Variants in DCP1A observed in about 807,000 individuals in gnomAD.
DCP1A encodes decapping mRNA 1A.
A neutral mutation model predicts 58.0 loss-of-function variants in DCP1A; 20 were observed. The ratio of observed to expected loss-of-function variants is 0.34; its 90% CI spans 0.24 to 0.50. The LOEUF (loss-of-function observed/expected upper bound fraction) is 0.50. Ranked by LOEUF, DCP1A falls within the 20% of genes least tolerant of loss-of-function variation. DCP1A has a pLI of 0.98. For synonymous variants in DCP1A, 285 were observed against 275.1 expected, an observed-to-expected ratio of 1.04 and a Z score of -0.36; for missense variants, 613 against 712.2, an observed-to-expected ratio of 0.86 and a Z score of 1.59.
At chr3:53,298,652 A>G (rs1187668967) in intron 6 of DCP1A, among the ~76,000 whole-genome samples, 2 of 152,224 alleles carry the variant, frequency 1.3e-5, no homozygotes, top group Non-Finnish European at 2.9e-5. Context: ...CACCATATGG[A>G]GATGTCAATT....
At chr3:53,326,982 C>A (rs79221748) in intron 3 of DCP1A, among the ~76,000 whole-genome samples, 22,225 of 146,690 alleles carry the variant, frequency 0.15, 1,849 homozygotes, top group Non-Finnish European at 0.18. Flanking sequence ...TCCAACCCCC[C>A]CCCCCCAACT....
intron 4 of DCP1A, 112 bp from the exon 5 acceptor site, chr3:53,312,491 T>C: frequency 1.0e-6 from 1 of 985,814 alleles, no homozygotes; most frequent in South Asian, 2.0e-5. Flanking sequence ...ATGATGACAT[T>C]CTTCTTTTTT....
At chr3:53,290,632 G>C (rs973061675) in intron 8 of DCP1A, 159 bp downstream of exon 8, 10 of 681,826 alleles carry the variant, frequency 1.5e-5, no homozygotes, top group Admixed American at 2.6e-5. Flanking sequence ...TCAGAAAGAG[G>C]GAGTCCTGGC....
At chr3:53,294,914 G>A (rs1411770991) in intron 6 of DCP1A, among the ~76,000 whole-genome samples, 1 of 152,196 alleles carries the variant, frequency 6.6e-6, no homozygotes, top group Admixed American at 6.5e-5. Context: ...TCTTGCTCTT[G>A]GACTTGCCTA....
chr3:53,310,902 AAACTATCTTTCAG>A (rs1707623988), intron 5 of DCP1A, among the ~76,000 whole-genome samples: 1 of 152,238 alleles, frequency 6.6e-6, no homozygotes, highest in Non-Finnish European at 1.5e-5. Context: ...TAGTCAGAAG[AAACTATCTTTCAG>A]AACACTTTTT....
At chr3:53,313,419 CAAA>C (rs201356913) in intron 4 of DCP1A, among the ~76,000 whole-genome samples, 3 of 127,694 alleles carry the variant, frequency 2.3e-5, no homozygotes, top group Non-Finnish European at 3.4e-5. Context: ...ACCTTGACTC[CAAA>C]AAAAAAAAAA....
intron 3 of DCP1A, among the ~76,000 whole-genome samples, chr3:53,335,767 T>C (rs985299356): frequency 1.3e-5 from 2 of 152,232 alleles, no homozygotes; most frequent in East Asian, 1.9e-4. Context: ...TTTTAATTTC[T>C]ATTAGTTCTA....
intron 3 of DCP1A, among the ~76,000 whole-genome samples, chr3:53,340,298 T>A (rs1289564354): frequency 6.6e-6 from 1 of 152,202 alleles, no homozygotes; most frequent in Non-Finnish European, 1.5e-5. Flanking sequence ...TTAACATTAG[T>A]TTAAATAAAT....
At chr3:53,336,457 T>G (rs1452061957) in intron 3 of DCP1A, among the ~76,000 whole-genome samples, 1 of 152,224 alleles carries the variant, frequency 6.6e-6, no homozygotes, top group East Asian at 1.9e-4. Context: ...TTATAATCTG[T>G]ATCTGGTATT....
At position 53,322,988 on chromosome 3, in the gene DCP1A, CT is replaced by C. The variant is rs1481487145; in HGVS notation, c.305-3516del. 4.6e-5 allele frequency among the ~76,000 whole-genome samples: 7 copies of C among 152,078 alleles called. No homozygotes were observed. In the East Asian group the frequency reaches 1.4e-3, roughly 29 times the overall value. On this transcript the variant is annotated intron_variant, in intron 3 of 9. Transcript: ENST00000610213. Reference sequence around the variant, plus strand: ...TACAGGCGCCCGTCACCACACCCGGCTAACTTTTTGTATTTTTAGTAGAGAT... The same window carrying C: ...TACAGGCGCCCGTCACCACACCCGGCAACTTTTTGTATTTTTAGTAGAGAT...
At chr3:53,335,230 T>C (rs1220668633) in intron 3 of DCP1A, among the ~76,000 whole-genome samples, 2 of 151,940 alleles carry the variant, frequency 1.3e-5, no homozygotes, top group Non-Finnish European at 2.9e-5. Flanking sequence ...AACCTCCACC[T>C]CCCGGGTTCA....
rs141884005 is a variant in DCP1A at position 53,338,353 on chromosome 3, C to T, written c.304+3791G>A. On this transcript the variant is annotated intron_variant, in intron 3 of 9. Transcript: ENST00000610213. ...ATGCTAGCACTTCGGGAGGCTGAGG[C>T]GGGAGAATTGCTTGAGCCCAGGAGT... is the stretch of plus-strand genomic sequence containing the variant. 9.8e-4 allele frequency among the ~76,000 whole-genome samples: 149 copies of T among 152,090 alleles called. 3 individuals carry two copies. The East Asian group carries it at 0.025, about 26-fold the overall frequency.
At chr3:53,316,841 A>G (rs782721885) in intron 4 of DCP1A, among the ~76,000 whole-genome samples, 16 of 152,088 alleles carry the variant, frequency 1.1e-4, no homozygotes, top group South Asian at 2.1e-4. Flanking sequence ...AGAAGCCCCA[A>G]TGCTCTTCTT....
intron 5 of DCP1A, among the ~76,000 whole-genome samples, chr3:53,310,974 T>C (rs540026832): frequency 6.6e-6 from 1 of 152,220 alleles, no homozygotes; most frequent in Admixed American, 6.5e-5. Context: ...AAGGGCAGTA[T>C]GCAAAAAATG....
intron 8 of DCP1A, among the ~76,000 whole-genome samples, chr3:53,288,729 A>G (rs1706740753): frequency 6.6e-6 from 1 of 152,186 alleles, no homozygotes; most frequent in Admixed American, 6.5e-5. Flanking sequence ...ATGTGTCAAA[A>G]ACTCATTTAA....
At position 53,288,124 on chromosome 3, in the gene DCP1A, TTC is replaced by T; in HGVS notation, c.1607_1608del (p.Arg536LysfsTer22). ...PLTIGTPESQ[R>X]KPSIILSKSQ... is the part of the protein sequence containing the mutation. ...GACTTGCTGAGAATAATGGAAGGCT[TTC>T]TCTGACTTTCTGGCGTTCCAATAGT... On this transcript the variant is annotated frameshift_variant, in exon 9 of 10. Transcript: ENST00000610213. LOFTEE classifies it high-confidence loss of function. The T allele has an allele frequency of 6.2e-7, 1 of 1,614,054 alleles. No individual in the cohort carries two copies. Among genetic ancestry groups the T allele is most frequent in the Non-Finnish European group, 8.5e-7 (1 of 1,179,890 alleles).
At chr3:53,299,200 TCA>T (rs1707233304) in intron 6 of DCP1A, among the ~76,000 whole-genome samples, 1 of 152,232 alleles carries the variant, frequency 6.6e-6, no homozygotes, top group African/African-American at 2.4e-5. Context: ...CCCAAAAGTT[TCA>T]CAGTCTCTGC....
At chr3:53,341,308 A>G (rs957328981) in intron 3 of DCP1A, among the ~76,000 whole-genome samples, 2 of 151,480 alleles carry the variant, frequency 1.3e-5, no homozygotes, top group African/African-American at 4.9e-5. Context: ...CAAAAAAATT[A>G]GCCAGGCGTG....
chr3:53,312,137 G>T, intron 5 of DCP1A, 104 bp downstream of exon 5: 1 of 1,284,730 alleles, frequency 7.8e-7, no homozygotes. Context: ...TTATATTTCT[G>T]CCGTCCCTGG....
Sources: allele counts gnomAD v4.1 joint callset (sites outside exome capture counted in the v4.1 genomes callset), GRCh38; gene constraint gnomAD v4.1.1; transcripts MANE v1.5; gene names NCBI Gene and HGNC (gene_info 2026-07-23, HGNC 2026-07-21).